DMD: variants seen among roughly 807,000 people sequenced by gnomAD.
The protein encoded by DMD is dystrophin, also known as mutant dystrophin.
A neutral mutation model predicts 330.1 loss-of-function variants in DMD; 63 were observed. The observed-to-expected ratio is 0.19, with a 90% CI of 0.16 to 0.24. The LOEUF (loss-of-function observed/expected upper bound fraction) is 0.24. DMD is among the 10% of genes least tolerant of loss of function. The pLI, the probability that DMD is intolerant of heterozygous loss-of-function variation, is 1.00. For synonymous variants in DMD, 1,223 were observed against 959.8 expected (o/e 1.27, Z -5.07); for missense variants, 3,344 against 2,684.1 (o/e 1.25, Z -5.43).
chrX:33,026,037 T>C (rs1272821062), intron 1 of DMD, among the ~76,000 whole-genome samples: 2 of 110,352 alleles, frequency 1.8e-5, no homozygotes, highest in Non-Finnish European at 3.8e-5. Flanking sequence ...TAATTTCACT[T>C]AAAGAAAGAA....
intron 7 of DMD, among the ~76,000 whole-genome samples, chrX:32,720,585 T>C (rs1248533652): frequency 1.8e-5 from 2 of 111,505 alleles, no homozygotes; most frequent in African/African-American, 6.5e-5. Flanking sequence ...AGAAAATCAT[T>C]GTTACAACTG....
At chrX:31,985,668 C>T (rs950025578) in intron 44 of DMD, among the ~76,000 whole-genome samples, 33 of 112,544 alleles carry the variant, frequency 2.9e-4, no homozygotes, top group African/African-American at 1.0e-3. Flanking sequence ...CTGCATCAGA[C>T]AGTTCCTGAC....
chrX:31,268,081 G>C (rs1440153516), intron 62 of DMD, among the ~76,000 whole-genome samples: 2 of 111,826 alleles, frequency 1.8e-5, no homozygotes, highest in Non-Finnish European at 3.8e-5. Context: ...TAAGGGATGG[G>C]GGTCTCACTG....
In DMD at chrX:31,618,233, GA is replaced by G. The variant is rs59868097; in HGVS notation, c.8217+9439del. Among the ~76,000 whole-genome samples the G allele has an allele frequency of 3.0e-3, 270 of 89,850 alleles. 1 individual carries two copies. Among genetic ancestry groups the G allele is most frequent in the East Asian group, 9.9e-3 (28 of 2,821 alleles). 78.0% of individuals were successfully genotyped at this position (89,850 alleles called of 115,157 possible). The stretch of plus-strand genomic sequence containing the variant: ...TGCCCCTAGAGCTTAAAATAAAAGT[GA>G]AAAAAAAAAAAAGAAGAAAGAAAGA... On this transcript the variant is annotated intron_variant, in intron 55 of 78. Coordinates refer to ENST00000357033, the MANE Select transcript of DMD (RefSeq NM_004006.3).
At chrX:32,599,909 A>AT (rs1440114492) in intron 12 of DMD, among the ~76,000 whole-genome samples, 1 of 111,840 alleles carries the variant, frequency 8.9e-6, no homozygotes, top group Non-Finnish European at 1.9e-5. Context: ...CAAATAATGT[A>AT]TTTTTTTCTT....
chrX:32,092,724 CTTTTTTTTTTTTTT>C (rs11315047), intron 44 of DMD, among the ~76,000 whole-genome samples: 1,169 of 39,866 alleles, frequency 0.029, 44 homozygotes, highest in African/African-American at 0.1. Flanking sequence ...GTTATTTTCA[CTTTTTTTTTTTTTT>C]TTTTTTTTTT....
In DMD at chrX:32,900,023, C is replaced by A. The variant is rs781206375; in HGVS notation, c.94-50203G>T. On this transcript the variant is annotated intron_variant, in intron 2 of 78. Coordinates refer to ENST00000357033, the MANE Select transcript of DMD (RefSeq NM_004006.3). ...CACTGGGCTTTCTGATCTCTATGAT[C>A]TCCTACAAATTTAAACTTATGTGAT... is the stretch of plus-strand genomic sequence containing the variant. 8.0e-5 allele frequency among the ~76,000 whole-genome samples: 9 copies of A among 111,916 alleles called. No homozygotes were observed. In the South Asian group the frequency reaches 2.2e-3, roughly 28 times the overall value.
chrX:32,364,520 C>T (rs1569559815), intron 36 of DMD, 62 bp downstream of exon 36: 1 of 1,150,866 alleles, frequency 8.7e-7, no homozygotes, highest in East Asian at 3.0e-5. Flanking sequence ...TCTTTTAGGA[C>T]AAAGATGATT....
chrX:31,545,712 G>A (rs2074105944), intron 55 of DMD, among the ~76,000 whole-genome samples: 1 of 111,549 alleles, frequency 9.0e-6, no homozygotes, highest in Non-Finnish European at 1.9e-5. Flanking sequence ...CATGCAGGGT[G>A]AAAGATCAGC....
At chrX:32,513,216 T>C (rs1216645743) in intron 18 of DMD, among the ~76,000 whole-genome samples, 1 of 112,229 alleles carries the variant, frequency 8.9e-6, no homozygotes, top group Non-Finnish European at 1.9e-5. Flanking sequence ...CAAGGCAACA[T>C]CTAGCAGTTC....
At chrX:32,737,051 G>A (rs1406794488) in intron 7 of DMD, among the ~76,000 whole-genome samples, 1 of 110,479 alleles carries the variant, frequency 9.1e-6, no homozygotes, top group Non-Finnish European at 1.9e-5. Context: ...AATAGAGTAA[G>A]TTTTAATTAA....
intron 52 of DMD, among the ~76,000 whole-genome samples, chrX:31,695,017 C>T (rs1178428858): frequency 2.7e-5 from 3 of 111,015 alleles, no homozygotes; most frequent in African/African-American, 6.5e-5. Flanking sequence ...TGGAAGCAAG[C>T]TAACTGTCCA....
chrX:32,067,649 C>T (rs2096268233), intron 44 of DMD, among the ~76,000 whole-genome samples: 1 of 111,652 alleles, frequency 9.0e-6, no homozygotes, highest in African/African-American at 3.3e-5. Context: ...AGGATAATGG[C>T]CTCTAGCTGC....
intron 21 of DMD, among the ~76,000 whole-genome samples, chrX:32,481,400 G>T (rs2041883385): frequency 9.0e-6 from 1 of 111,147 alleles, no homozygotes; most frequent in Non-Finnish European, 1.9e-5. Flanking sequence ...CCAGCTAGAG[G>T]GTGAGTTTTG....
At chrX:32,276,124 G>C (rs1303491175) in intron 43 of DMD, among the ~76,000 whole-genome samples, 3 of 112,087 alleles carry the variant, frequency 2.7e-5, no homozygotes, top group Non-Finnish European at 5.6e-5. Flanking sequence ...TGTCACAGTA[G>C]AGAAAAAAGC....
intron 13 of DMD, chrX:32,583,654 G>A (rs948078997): frequency 9.0e-5 from 10 of 111,052 alleles, no homozygotes; most frequent in Admixed American, 1.9e-4. Context: ...TAATATTTTC[G>A]TCAAAGATGA....
chrX:32,492,798 G>T (rs761271812), intron 19 of DMD, among the ~76,000 whole-genome samples: 9 of 111,770 alleles, frequency 8.1e-5, no homozygotes, highest in Non-Finnish European at 1.5e-4. Flanking sequence ...AGCTACATTA[G>T]CACTGATAAC....
intron 43 of DMD, among the ~76,000 whole-genome samples, chrX:32,271,856 T>C (rs998967032): frequency 9.0e-6 from 1 of 111,729 alleles, no homozygotes; most frequent in Non-Finnish European, 1.9e-5. Context: ...TATAAGGAAA[T>C]TTACCCTGCA....
rs894593701 is a variant in DMD at position 32,206,777 on chromosome X, G to A, written c.6438+10139C>T. 14 of 424,317 alleles carry A rather than the reference G, an allele frequency of 3.3e-5. No individual in the cohort carries two copies. In the African/African-American group the frequency reaches 3.4e-4, roughly 10 times the overall value. 35.0% of individuals were successfully genotyped at this position (424,317 alleles called of 1,213,427 possible). Reference sequence around the variant, plus strand: ...ACAATTTGTTAAAAATTTTCCATCTGATTTCGTTTCTGTAACAGTTGATAT... The same window carrying A: ...ACAATTTGTTAAAAATTTTCCATCTAATTTCGTTTCTGTAACAGTTGATAT... On this transcript the variant is annotated intron_variant, in intron 44 of 78. Coordinates refer to ENST00000357033, the MANE Select transcript of DMD (RefSeq NM_004006.3).
Sources: gnomAD v4.1 joint callset for allele counts (sites outside exome capture counted in the v4.1 genomes callset) on GRCh38, gnomAD v4.1.1 for gene constraint, MANE v1.5 for transcripts, NCBI Gene and HGNC (gene_info 2026-07-23, HGNC 2026-07-21) for gene names.